The following DST variants were observed in gnomAD, a reference collection of about 807,000 sequenced individuals.
The protein encoded by DST is bullous pemphigoid antigen.
Under a neutral mutation model 875.2 loss-of-function variants are expected in DST, and 253 were observed. That is an observed-to-expected ratio of 0.29 (90% CI 0.26 to 0.32). The LOEUF (loss-of-function observed/expected upper bound fraction) is 0.32. Among genes scored for constraint, DST ranks in the 10% least tolerant of loss-of-function variants. DST has a pLI of 1.00. For synonymous variants in DST, 3,124 were observed against 3,197.1 expected, an observed-to-expected ratio of 0.98 and a Z score of 0.77; for missense variants, 8,287 against 9,111.6, an observed-to-expected ratio of 0.91 and a Z score of 3.68.
chr6:56,509,690 C>T lies in DST; in HGVS notation c.18964G>A (p.Glu6322Lys), dbSNP rs2096427688. Residue 6322 changes from glutamate to lysine, a missense_variant, in exon 74 of 104, where the codon GAA (glutamate) becomes AAA (lysine). Transcript: ENST00000680361. ...LYETLKQRGE[E>K]MIARSGGTDK... ...GTCCCCCCAGATCTAGCAATCATTT[C>T]CTCTCCCCTCTGTTTAAGAGTTTCA... is the stretch of plus-strand genomic sequence containing the variant. 1 of 1,613,606 alleles carries T rather than the reference C, an allele frequency of 6.2e-7. No homozygotes were observed. Among genetic ancestry groups the T allele is most frequent in the African/African-American group, 1.3e-5 (1 of 74,904 alleles).
intron 2 of DST, among the ~76,000 whole-genome samples, chr6:56,944,655 AC>A (rs1185818934): frequency 1.3e-5 from 2 of 152,314 alleles, no homozygotes; most frequent in South Asian, 2.1e-4. Context: ...AGTACAAGGA[AC>A]CCTTTGACAT....
rs554744949 is a variant in DST at position 56,718,579 on chromosome 6, CAT to C, written c.688-14212_688-14211del. On this transcript the variant is annotated intron_variant, in intron 5 of 103. Coordinates refer to ENST00000680361, the MANE Select transcript of DST (RefSeq NM_001374736.1). ...GGGAAATGTGCAAAAGAAATAAAAA[CAT>C]GTGTCTACACAAAGTCTTGCACATT... is the stretch of plus-strand genomic sequence containing the variant. 2.4e-3 allele frequency among the ~76,000 whole-genome samples: 368 copies of C among 152,296 alleles called. 1 individual carries two copies. The highest frequency in any genetic ancestry group is 8.5e-3 in the African/African-American group (352 of 41,566).
chr6:56,463,411 CA>C (rs950455517), intron 101 of DST, among the ~76,000 whole-genome samples, 153 bp downstream of exon 101: 4 of 151,474 alleles, frequency 2.6e-5, no homozygotes, highest in Non-Finnish European at 4.4e-5. Context: ...AGCATACATT[CA>C]AAAAAAAATT....
intron 5 of DST, among the ~76,000 whole-genome samples, chr6:56,715,027 G>A (rs1161066356): frequency 6.6e-6 from 1 of 152,194 alleles, no homozygotes; most frequent in Non-Finnish European, 1.5e-5. Context: ...AATGCTTAAT[G>A]TCTGACACAG....
At chr6:56,731,137 C>A (rs2099496308) in intron 5 of DST, among the ~76,000 whole-genome samples, 1 of 152,196 alleles carries the variant, frequency 6.6e-6, no homozygotes, top group African/African-American at 2.4e-5. Context: ...CGAGATGGAG[C>A]AGCAGTGGTT....
intron 2 of DST, among the ~76,000 whole-genome samples, chr6:56,907,826 G>T (rs562060849): frequency 6.6e-6 from 1 of 152,138 alleles, no homozygotes; most frequent in Admixed American, 6.5e-5. Flanking sequence ...TACTGATTAC[G>T]CATCTGGAAA....
chr6:56,579,942 G>A (rs1562932318), intron 49 of DST, among the ~76,000 whole-genome samples: 1 of 152,086 alleles, frequency 6.6e-6, no homozygotes, highest in African/African-American at 2.4e-5. Flanking sequence ...TACCAGCTGG[G>A]GACAACTTCA....
intron 69 of DST, among the ~76,000 whole-genome samples, chr6:56,522,837 G>C (rs2096732139): frequency 6.6e-6 from 1 of 152,080 alleles, no homozygotes; most frequent in Non-Finnish European, 1.5e-5. Flanking sequence ...ATTATAAGAA[G>C]CAAAGGATGA....
intron 5 of DST, among the ~76,000 whole-genome samples, chr6:56,712,159 CTGTTTGGCAGGAG>C (rs1339948290): frequency 6.6e-6 from 1 of 151,490 alleles, no homozygotes; most frequent in African/African-American, 2.4e-5. Context: ...AGTATTCTGT[CTGTTTGGCAGGAG>C]AATATGGGCA....
chr6:56,524,207 G>T (rs2096755438), intron 69 of DST, among the ~76,000 whole-genome samples: 1 of 152,020 alleles, frequency 6.6e-6, no homozygotes, highest in South Asian at 2.1e-4. Context: ...TATGAGTTTG[G>T]AAACTTATCT....
At chr6:56,905,338 T>C (rs535248681) in intron 2 of DST, among the ~76,000 whole-genome samples, 11 of 152,328 alleles carry the variant, frequency 7.2e-5, no homozygotes, top group African/African-American at 2.4e-4. Flanking sequence ...GGTACAATGT[T>C]GTATAGCAGA....
chr6:56,778,237 T>C, intron 4 of DST, among the ~76,000 whole-genome samples: 1 of 151,842 alleles, frequency 6.6e-6, no homozygotes, highest in East Asian at 1.9e-4. Context: ...TGAATTAGGA[T>C]AAAAACAAAT....
chr6:56,511,000 T>C (rs1298778020), intron 73 of DST, among the ~76,000 whole-genome samples, 197 bp downstream of exon 73: 3 of 152,142 alleles, frequency 2.0e-5, no homozygotes, highest in Non-Finnish European at 4.4e-5. Flanking sequence ...ATTATATCTA[T>C]AAGCAGGCAG....
chr6:56,619,948 T>C, intron 36 of DST: 1 of 1,614,196 alleles, frequency 6.2e-7, no homozygotes, highest in Non-Finnish European at 8.5e-7. Context: ...GTTTGAGTTC[T>C]TCTGCTTTCT....
At chr6:56,552,009 G>A (rs1053227821) in intron 61 of DST, among the ~76,000 whole-genome samples, 175 bp downstream of exon 61, 4 of 152,136 alleles carry the variant, frequency 2.6e-5, no homozygotes, top group Non-Finnish European at 5.9e-5. Context: ...AATCCCCAGT[G>A]GCCTTGTAAC....
In DST at chr6:56,610,421, T is replaced by C. The variant is rs2098535174; in HGVS notation, c.5283+6A>G. Reference sequence around the variant, plus strand: ...AACAGCCTCATGTTTAAATAAATAATATTACCTTCTCCTCTACCTTTACAT... The same window carrying C: ...AACAGCCTCATGTTTAAATAAATAACATTACCTTCTCCTCTACCTTTACAT... On this transcript the variant is annotated splice_donor_region_variant and intron_variant, in intron 39 of 103. Transcript: ENST00000680361. 1.3e-6 allele frequency: 2 copies of C among 1,540,976 alleles called. No individual in the cohort carries two copies. The highest frequency in any genetic ancestry group is 1.7e-6 in the Non-Finnish European group (2 of 1,143,530).
At chr6:56,806,570 G>T (rs761976343) in intron 4 of DST, among the ~76,000 whole-genome samples, 1 of 152,170 alleles carries the variant, frequency 6.6e-6, no homozygotes, top group Non-Finnish European at 1.5e-5. Flanking sequence ...AAAAGCAAGC[G>T]TGTGGCAGTG....
intron 5 of DST, among the ~76,000 whole-genome samples, chr6:56,711,955 G>A (rs1342397367): frequency 1.3e-5 from 2 of 150,520 alleles, no homozygotes; most frequent in African/African-American, 4.9e-5. Context: ...GCCGGGCGTA[G>A]TGGCGGGCGC....
chr6:56,509,556 C>T, intron 74 of DST, 86 bp downstream of exon 74: 1 of 1,001,182 alleles, frequency 1.0e-6, no homozygotes, highest in Admixed American at 2.3e-5. Flanking sequence ...TAAGATGCGG[C>T]ATTTTGTTAT....
Sources: gnomAD v4.1 joint callset for allele counts (sites outside exome capture counted in the v4.1 genomes callset) on GRCh38, gnomAD v4.1.1 for gene constraint, MANE v1.5 for transcripts, NCBI Gene and HGNC (gene_info 2026-07-23, HGNC 2026-07-21) for gene names.